Variants in KCNH1 observed in about 807,000 individuals in gnomAD.
KCNH1 encodes potassium voltage-gated channel subfamily H member 1, also known as voltage-gated delayed rectifier potassium channel KCNH1.
In KCNH1, 27 loss-of-function variants were observed where a neutral mutation model predicts 69.2. The ratio of observed to expected loss-of-function variants is 0.39; its 90% CI spans 0.29 to 0.54. The LOEUF (loss-of-function observed/expected upper bound fraction) is 0.54. KCNH1 is among the 20% of genes least tolerant of loss of function. The pLI is 0.68. For missense variants in KCNH1, 798 were observed against 1,261.6 expected, an observed-to-expected ratio of 0.63 and a Z score of 5.57; for synonymous variants, 456 against 487.7, an observed-to-expected ratio of 0.93 and a Z score of 0.86.
rs1037144595 is a variant in KCNH1 at position 210,976,524 on chromosome 1, C to A, written c.1032+42259G>T. ...TTGGTGGGACTGTAAACTAGTTCAA[C>A]CATTGCGGAAGTCAGTGTGGCGATT... On this transcript the variant is annotated intron_variant, in intron 6 of 10. Coordinates refer to ENST00000271751, the MANE Select transcript of KCNH1 (RefSeq NM_172362.3). Among the ~76,000 whole-genome samples, 3 of 144,022 alleles carry A rather than the reference C, an allele frequency of 2.1e-5. No homozygotes were observed. In the Admixed American group the frequency reaches 2.2e-4, roughly 11 times the overall value. 94.5% of individuals were successfully genotyped at this position (144,022 alleles called of 152,430 possible).
intron 10 of KCNH1, among the ~76,000 whole-genome samples, chr1:210,728,648 T>TA (rs750837142): frequency 1.1e-4 from 17 of 152,202 alleles, no homozygotes; most frequent in Non-Finnish European, 2.1e-4. Flanking sequence ...CACACGTGCT[T>TA]ACACACACAG....
intron 1 of KCNH1, among the ~76,000 whole-genome samples, chr1:211,129,751 C>T (rs1691844222): frequency 6.6e-6 from 1 of 152,210 alleles, no homozygotes; most frequent in Non-Finnish European, 1.5e-5. Context: ...CACAACATTA[C>T]TCGTGGTTCT....
chr1:210,894,768 T>A (rs1363395348), intron 7 of KCNH1, among the ~76,000 whole-genome samples: 1 of 152,210 alleles, frequency 6.6e-6, no homozygotes, highest in African/African-American at 2.4e-5. Context: ...TTATGATGCA[T>A]CATGAAGGCC....
rs758026291 is a variant in KCNH1 at position 210,922,383 on chromosome 1, C to CAAAAAAAAAA, written c.1033-2324_1033-2315dup. Among the ~76,000 whole-genome samples, 27 of 98,310 alleles carry CAAAAAAAAAA rather than the reference C, an allele frequency of 2.7e-4. 2 individuals are homozygous for CAAAAAAAAAA. The highest frequency in any genetic ancestry group is 2.1e-3 in the East Asian group (4 of 1,870). 64.5% of individuals were successfully genotyped at this position (98,310 alleles called of 152,430 possible). A position where few individuals can be genotyped will look rare whatever the true frequency, so the allele number is the denominator to read the frequency against. ...TGGGCAACAGAGCGAGACTCCGTCT[C>CAAAAAAAAAA]AAAAAAAAAAAAAAAAAAAAAAAAA... On this transcript the variant is annotated intron_variant, in intron 6 of 10. Transcript: ENST00000271751.
At chr1:210,708,862 G>A (rs981433606) in intron 10 of KCNH1, among the ~76,000 whole-genome samples, 3 of 152,180 alleles carry the variant, frequency 2.0e-5, no homozygotes, top group South Asian at 2.1e-4. Context: ...CCATTTCCCT[G>A]GGAAGGGCAT....
chr1:210,742,790 T>C (rs1056888843), intron 10 of KCNH1, among the ~76,000 whole-genome samples: 18 of 152,094 alleles, frequency 1.2e-4, no homozygotes, highest in African/African-American at 4.3e-4. Flanking sequence ...GGAAGAATAA[T>C]GTGCCTGAGA....
chr1:210,704,697 T>A (rs1681865321), intron 10 of KCNH1, among the ~76,000 whole-genome samples: 1 of 152,220 alleles, frequency 6.6e-6, no homozygotes, highest in African/African-American at 2.4e-5. Context: ...ATTCTCCTTT[T>A]GAAGGTTTAG....
Position 210,797,537 on chromosome 1 carries a change from A to G in KCNH1, c.1886T>C (p.Ile629Thr). Residue 629 changes from isoleucine (I) to threonine (T), a missense_variant, in exon 9 of 11, where the codon ATC becomes ACC. By Grantham distance (89) the Ile-to-Thr change is moderately conservative. This residue lies in a region of KCNH1 where 197 missense variants were observed against 407.7 expected (regional missense o/e 0.48). Coordinates refer to ENST00000271751, the MANE Select transcript of KCNH1 (RefSeq NM_172362.3). ...CFVVSGSLEV[I>T]QDDEVVAILG... The stretch of plus-strand genomic sequence containing the variant: ...AATGGCCACCACCTCATCATCTTGG[A>G]TCACCTCCAGGGAGCCAGAAACCAC... 2 of 1,614,182 alleles carry G rather than the reference A, an allele frequency of 1.2e-6. No homozygotes were observed. The highest frequency in any genetic ancestry group is 1.7e-6 in the Non-Finnish European group (2 of 1,180,018).
At chr1:210,850,185 C>T (rs1000107873) in intron 7 of KCNH1, among the ~76,000 whole-genome samples, 6 of 151,974 alleles carry the variant, frequency 3.9e-5, no homozygotes, top group Non-Finnish European at 7.4e-5. Context: ...AGAGATGAAG[C>T]AAATAATTAA....
chr1:210,813,963 C>A (rs372388100), intron 7 of KCNH1, among the ~76,000 whole-genome samples: 52 of 152,282 alleles, frequency 3.4e-4, no homozygotes, highest in African/African-American at 1.2e-3. Flanking sequence ...GTAAGATGTG[C>A]CTTTTGCCTT....
chr1:210,718,140 AAAAT>A, intron 10 of KCNH1, among the ~76,000 whole-genome samples: 1 of 149,538 alleles, frequency 6.7e-6, no homozygotes, highest in South Asian at 2.1e-4. Flanking sequence ...AACAAGGAAA[AAAAT>A]AGGTAAAATT....
intron 10 of KCNH1, among the ~76,000 whole-genome samples, chr1:210,737,087 A>C (rs1682898602): frequency 6.6e-6 from 1 of 152,250 alleles, no homozygotes; most frequent in Non-Finnish European, 1.5e-5. Context: ...CGTGGTGATC[A>C]GATCTTTTAT....
chr1:211,112,970 T>A (rs1691502064), intron 1 of KCNH1, among the ~76,000 whole-genome samples: 1 of 152,204 alleles, frequency 6.6e-6, no homozygotes, highest in South Asian at 2.1e-4. Context: ...ACCACATATA[T>A]CATTAGGAAT....
At chr1:210,747,363 G>C (rs1683182705) in intron 10 of KCNH1, among the ~76,000 whole-genome samples, 1 of 151,912 alleles carries the variant, frequency 6.6e-6, no homozygotes, top group South Asian at 2.1e-4. Context: ...AAGGAGGTAG[G>C]AATTCAGTGA....
chr1:210,996,293 C>A (rs962824767), intron 6 of KCNH1, among the ~76,000 whole-genome samples: 1 of 152,156 alleles, frequency 6.6e-6, no homozygotes, highest in Admixed American at 6.5e-5. Context: ...CCTAATAGTG[C>A]GCTTTTCCAA....
chr1:211,129,899 T>C (rs1691846246), intron 1 of KCNH1, among the ~76,000 whole-genome samples: 1 of 152,242 alleles, frequency 6.6e-6, no homozygotes, highest in African/African-American at 2.4e-5. Context: ...CTCCTGCTAA[T>C]GTGCATGGAT....
intron 7 of KCNH1, among the ~76,000 whole-genome samples, chr1:210,811,546 C>T (rs1684704007): frequency 6.6e-6 from 1 of 152,004 alleles, no homozygotes; most frequent in Admixed American, 6.6e-5. Flanking sequence ...GATTTATGTT[C>T]ATAAAAAAGA....
intron 1 of KCNH1, chr1:211,108,646 G>A (rs1691404470): frequency 6.6e-6 from 1 of 152,222 alleles, no homozygotes; most frequent in African/African-American, 2.4e-5. Flanking sequence ...GATAAGGGTT[G>A]TGGTGAGCCA....
rs532539273 is a variant in KCNH1 at position 210,893,876 on chromosome 1, A to T, written c.1462+25764T>A. Reference sequence around the variant, plus strand: ...TTCCCTTCTGTGATGTCTAGTGTCAATTCTGCCATTAATCCTACCTAATGC... The same window carrying T: ...TTCCCTTCTGTGATGTCTAGTGTCATTTCTGCCATTAATCCTACCTAATGC... On this transcript the variant is annotated intron_variant, in intron 7 of 10. Coordinates refer to ENST00000271751, the MANE Select transcript of KCNH1 (RefSeq NM_172362.3). Among the ~76,000 whole-genome samples, 10 of 152,248 alleles carry T rather than the reference A, an allele frequency of 6.6e-5. No homozygotes were observed. In the South Asian group the frequency reaches 2.1e-3, roughly 32 times the overall value.
Sources: allele counts gnomAD v4.1 joint callset (sites outside exome capture counted in the v4.1 genomes callset), GRCh38; gene constraint gnomAD v4.1.1; regional missense constraint gnomAD v4.1.1; transcripts MANE v1.5; gene names NCBI Gene and HGNC (gene_info 2026-07-23, HGNC 2026-07-21).